The following PSME3 variants were observed in gnomAD, a reference collection of about 807,000 sequenced individuals.
The protein encoded by PSME3 is proteasome activator complex subunit 3.
In PSME3, 7 loss-of-function variants were observed where a neutral mutation model predicts 38.3. The ratio of observed to expected loss-of-function variants is 0.18; its 90% CI spans 0.10 to 0.34. PSME3 has a LOEUF of 0.34. PSME3 is among the 10% of genes least tolerant of loss of function. PSME3 has a pLI of 1.00. For synonymous variants in PSME3, 108 were observed against 105.7 expected, an observed-to-expected ratio of 1.02 and a Z score of -0.13; for missense variants, 192 against 307.6, an observed-to-expected ratio of 0.62 and a Z score of 2.81.
chr17:42,840,207 C>T (rs901605077), intron 10 of PSME3, among the ~76,000 whole-genome samples: 1 of 151,928 alleles, frequency 6.6e-6, no homozygotes, highest in African/African-American at 2.4e-5. Context: ...TGCTTGAACC[C>T]GGGAGGCGGA....
chr17:42,837,757 G>A, intron 5 of PSME3, 60 bp downstream of exon 5: 1 of 1,546,300 alleles, frequency 6.5e-7, no homozygotes, highest in Non-Finnish European at 8.9e-7. Flanking sequence ...ACCCTGAGAA[G>A]CAGGATGGAT....
rs746986085 is a variant in PSME3, at chr17:42,839,058, G to T, written c.542+46G>T. ...CCGAGGCGTTGGGGGCTGATGAGGT[G>T]GTGGGCACCATCAAGGGTCTCCTGC... On this transcript the variant is annotated intron_variant, in intron 8 of 10. Coordinates refer to ENST00000590720, the MANE Select transcript of PSME3 (RefSeq NM_005789.4). 3.7e-6 allele frequency: 6 copies of T among 1,601,990 alleles called. No homozygotes were observed. In the African/African-American group the frequency reaches 8.0e-5, roughly 21 times the overall value.
rs957512292 is a variant in PSME3, at chr17:42,843,123, G to C, written c.*1545G>C. 6.6e-6 allele frequency: 1 copy of C among 152,512 alleles called. No individual in the cohort carries two copies. Among genetic ancestry groups the C allele is most frequent in the Non-Finnish European group, 1.5e-5 (1 of 68,018 alleles). 9.4% of individuals were successfully genotyped at this position (152,512 alleles called of 1,614,324 possible). A position where few individuals can be genotyped will look rare whatever the true frequency, so the allele number is the denominator to read the frequency against. On this transcript the variant is annotated 3_prime_UTR_variant, in exon 11 of 11. Transcript: ENST00000590720. ...CATGTGTTTCTCAGTTTCCCGTTTC[G>C]TTTGTTGGACTGTTCCACTGCCCCT...
chr17:42,838,391 T>C (rs1482064319), intron 6 of PSME3, among the ~76,000 whole-genome samples, 186 bp downstream of exon 6: 4 of 152,126 alleles, frequency 2.6e-5, no homozygotes, highest in Non-Finnish European at 5.9e-5. Flanking sequence ...CACTGCAACC[T>C]CTGCCTCCTG....
intron 1 of PSME3, chr17:42,833,929 CGTGACAGCTG>C: frequency 6.9e-7 from 1 of 1,441,154 alleles, no homozygotes; most frequent in Non-Finnish European, 9.1e-7. Flanking sequence ...GCTTTAGGCC[CGTGACAGCTG>C]GTAATCCCCC....
Position 42,834,157 on chromosome 17 carries a change from C to A in PSME3, c.43-187C>A, listed in dbSNP as rs924671441. The A allele has an allele frequency of 2.0e-6, 3 of 1,502,058 alleles. No individual in the cohort carries two copies. In the South Asian group the frequency reaches 4.0e-5, roughly 20 times the overall value. The allele number at this position is 1,502,058 out of a possible 1,614,324, so 93.0% of individuals were successfully genotyped here. A position where few individuals can be genotyped will look rare whatever the true frequency, so the allele number is the denominator to read the frequency against. ...GACAGAGGAGACAGGCAGGTGCTGT[C>A]CTCAAAGCCCTGCGTTCTTCTGAGA... On this transcript the variant is annotated intron_variant, in intron 1 of 10. Coordinates refer to ENST00000590720, the MANE Select transcript of PSME3 (RefSeq NM_005789.4).
Position 42,834,886 on chromosome 17 carries a change from C to T in PSME3, c.243+10C>T. ...TGATGGACTGGATGGTGTAAGTGTCCTATATTTATCTTTGTGTTCTTGAGC... is the reference window on the plus strand; with the variant it reads ...TGATGGACTGGATGGTGTAAGTGTCTTATATTTATCTTTGTGTTCTTGAGC... On this transcript the variant is annotated intron_variant, in intron 4 of 10. Transcript: ENST00000590720. 2 of 1,613,068 alleles carry T rather than the reference C, an allele frequency of 1.2e-6. No individual in the cohort carries two copies. Among genetic ancestry groups the T allele is most frequent in the South Asian group, 1.1e-5 (1 of 90,836 alleles).
At chr17:42,833,999 C>G (rs2055431196) in intron 1 of PSME3, 1 of 1,439,308 alleles carries the variant, frequency 6.9e-7, no homozygotes, top group Admixed American at 2.9e-5. Flanking sequence ...GGCTGGCCTG[C>G]CTAGTATCAT....
intron 4 of PSME3, among the ~76,000 whole-genome samples, chr17:42,836,147 G>A (rs2055460820): frequency 3.3e-5 from 5 of 151,974 alleles, no homozygotes; most frequent in Non-Finnish European, 1.5e-5. Flanking sequence ...TGAGATTACA[G>A]GTGCACACCA....
chr17:42,838,617 C>T (rs565437166), intron 6 of PSME3, 114 bp from the exon 7 acceptor site: 3 of 1,035,274 alleles, frequency 2.9e-6, no homozygotes, highest in African/African-American at 1.6e-5. Context: ...CATGCCTGGC[C>T]AGACTAGGTA....
In PSME3 at chr17:42,842,687, C is replaced by T. The variant is rs774246972; in HGVS notation, c.*1109C>T. 105 of 152,788 alleles carry T rather than the reference C, an allele frequency of 6.9e-4. No individual in the cohort carries two copies. Among genetic ancestry groups the T allele is most frequent in the African/African-American group, 2.3e-3 (94 of 41,434 alleles). 9.5% of individuals were successfully genotyped at this position (152,788 alleles called of 1,614,324 possible). A position where few individuals can be genotyped will look rare whatever the true frequency, so the allele number is the denominator to read the frequency against. On this transcript the variant is annotated 3_prime_UTR_variant, in exon 11 of 11. Transcript: ENST00000590720. ...ATGTGCATGCACACACGTGCATATA[C>T]ACATTTGTGTATGTGGAAATGTGCT...
intron 2 of PSME3, 55 bp downstream of exon 2, chr17:42,834,431 A>G: frequency 1.9e-6 from 3 of 1,602,382 alleles, no homozygotes; most frequent in Non-Finnish European, 2.6e-6. Flanking sequence ...CAAAGAGGAG[A>G]TACCTGGAGA....
chr17:42,834,243 A>G (rs747856508), intron 1 of PSME3, 101 bp from the exon 2 acceptor site: 2 of 1,596,750 alleles, frequency 1.3e-6, no homozygotes, highest in Admixed American at 1.8e-5. Context: ...TCAGCTTCTT[A>G]TTACAGTTAC....
intron 3 of PSME3, 32 bp downstream of exon 3, chr17:42,834,609 C>A (rs925352906): frequency 6.2e-7 from 1 of 1,611,866 alleles, no homozygotes; most frequent in East Asian, 2.2e-5. Flanking sequence ...TCAAATTCCC[C>A]AATTTTTTTG....
intron 1 of PSME3, 173 bp from the exon 2 acceptor site, chr17:42,834,171 G>A: frequency 6.6e-7 from 1 of 1,516,406 alleles, no homozygotes; most frequent in Non-Finnish European, 8.8e-7. Context: ...AAAGCCCTGC[G>A]TTCTTCTGAG....
At chr17:42,840,904 C>A (rs1426857737) in intron 10 of PSME3, among the ~76,000 whole-genome samples, 1 of 151,926 alleles carries the variant, frequency 6.6e-6, no homozygotes, top group Non-Finnish European at 1.5e-5. Flanking sequence ...GAGGCCGAGG[C>A]GGGCGGATCA....
Position 42,838,974 on chromosome 17 carries a change from T to C in PSME3, c.504T>C (p.Val168=). ...AAACAGTTGCAGAGCTAAGAACTGT[T>C]GAGAGTGAAGCTGCATCTTATCTGG... ...QEETVAELRT[V]ESEAASYLDQ... Residue 168 remains valine (V), a synonymous_variant, in exon 8 of 11, where the codon GTT becomes GTC. Coordinates refer to ENST00000590720, the MANE Select transcript of PSME3 (RefSeq NM_005789.4). The C allele has an allele frequency of 6.2e-7, 1 of 1,614,176 alleles. No homozygotes were observed. The highest frequency in any genetic ancestry group is 8.5e-7 in the Non-Finnish European group (1 of 1,180,044).
rs2055559776 is a variant in PSME3 at position 42,843,524 on chromosome 17, C to T, written c.*1946C>T. 1 of 152,350 alleles carries T rather than the reference C, an allele frequency of 6.6e-6. No homozygotes were observed. Among genetic ancestry groups the T allele is most frequent in the African/African-American group, 2.4e-5 (1 of 41,440 alleles). 9.4% of individuals were successfully genotyped at this position (152,350 alleles called of 1,614,324 possible). ...ACTTTCAGAAGATCCTAGTTCCTTC[C>T]TTCCCGAGTGATACCCATGAACTGC... On this transcript the variant is annotated 3_prime_UTR_variant, in exon 11 of 11. Coordinates refer to ENST00000590720, the MANE Select transcript of PSME3 (RefSeq NM_005789.4).
At chr17:42,834,999 A>G in intron 4 of PSME3, 123 bp downstream of exon 4, 2 of 1,382,100 alleles carry the variant, frequency 1.4e-6, no homozygotes, top group Non-Finnish European at 1.9e-6. Flanking sequence ...GGACTCTGTT[A>G]CAGACATGAT....
Sources: gnomAD v4.1 joint callset for allele counts (sites outside exome capture counted in the v4.1 genomes callset) on GRCh38, gnomAD v4.1.1 for gene constraint, MANE v1.5 for transcripts, NCBI Gene and HGNC (gene_info 2026-07-23, HGNC 2026-07-21) for gene names.